Variants in C3orf20 observed in about 807,000 individuals in gnomAD.
C3orf20 encodes the protein uncharacterized protein C3orf20.
C3orf20 carries 76 observed loss-of-function variants against 88.3 expected under a neutral mutation model. That is an observed-to-expected ratio of 0.86 (90% CI 0.72 to 1.04). The LOEUF is 1.04. Ranked by LOEUF, C3orf20 falls within the 50% of genes least tolerant of loss-of-function variation. C3orf20 has a pLI of 0.00. For missense variants in C3orf20, 1,056 were observed against 1,123.3 expected (o/e 0.94, Z 0.86); for synonymous variants, 436 against 437.4 (o/e 1.00, Z 0.04).
At chr3:14,711,291 A>G (rs901642026) in intron 7 of C3orf20, among the ~76,000 whole-genome samples, 5 of 151,978 alleles carry the variant, frequency 3.3e-5, no homozygotes, top group African/African-American at 7.3e-5. Flanking sequence ...TTGTAGAACT[A>G]TTTCTTCCTT....
chr3:14,713,603 T>C (rs932051393), intron 7 of C3orf20, among the ~76,000 whole-genome samples: 2 of 152,216 alleles, frequency 1.3e-5, no homozygotes, highest in African/African-American at 4.8e-5. Context: ...GCCACTTCCT[T>C]GTGATGTGAC....
chr3:14,690,939 C>G (rs2032699329), intron 5 of C3orf20, among the ~76,000 whole-genome samples: 1 of 152,186 alleles, frequency 6.6e-6, no homozygotes, highest in Non-Finnish European at 1.5e-5. Flanking sequence ...TGCCCCAGCC[C>G]CTGGCTGGCT....
intron 10 of C3orf20, among the ~76,000 whole-genome samples, chr3:14,725,300 T>C (rs994115108): frequency 1.3e-5 from 2 of 151,978 alleles, no homozygotes; most frequent in African/African-American, 4.8e-5. Flanking sequence ...ATGTGCCGAG[T>C]GTTGGGGCTC....
At chr3:14,692,161 G>C (rs2032766387) in intron 5 of C3orf20, among the ~76,000 whole-genome samples, 1 of 152,206 alleles carries the variant, frequency 6.6e-6, no homozygotes, top group African/African-American at 2.4e-5. Context: ...TTGACACTTA[G>C]ATTGCTTCCA....
At chr3:14,738,803 G>A (rs1158353525) in intron 12 of C3orf20, among the ~76,000 whole-genome samples, 1 of 142,480 alleles carries the variant, frequency 7.0e-6, no homozygotes, top group African/African-American at 2.7e-5. Context: ...ACCATGCCTG[G>A]CTAATTTTTT....
chr3:14,738,164 CTTTTTTTTTTT>C (rs35948176), intron 12 of C3orf20, among the ~76,000 whole-genome samples: 1 of 107,348 alleles, frequency 9.3e-6, no homozygotes, highest in African/African-American at 3.9e-5. Flanking sequence ...ACAAATATTC[CTTTTTTTTTTT>C]TTTTTTTTTT....
At chr3:14,696,919 T>G (rs1205775019) in intron 5 of C3orf20, among the ~76,000 whole-genome samples, 2 of 152,092 alleles carry the variant, frequency 1.3e-5, no homozygotes, top group Non-Finnish European at 2.9e-5. Context: ...TTTCTTCATG[T>G]TTTAAGGATA....
At chr3:14,759,745 G>A in intron 13 of C3orf20, 146 bp from the exon 14 acceptor site, 1 of 668,628 alleles carries the variant, frequency 1.5e-6, no homozygotes, top group African/African-American at 1.8e-5. Flanking sequence ...GCAGGCCCAA[G>A]GGCCCCTGGA....
intron 12 of C3orf20, among the ~76,000 whole-genome samples, chr3:14,735,127 T>G (rs191791669): frequency 7.9e-5 from 12 of 151,976 alleles, no homozygotes; most frequent in Non-Finnish European, 1.3e-4. Context: ...GTTTTTTAAT[T>G]AAATTCAGTC....
rs759555611 is a variant in C3orf20 at position 14,684,356 on chromosome 3, G to A, written c.599G>A (p.Gly200Asp). 1 of 1,614,124 alleles carries A rather than the reference G, an allele frequency of 6.2e-7. No individual in the cohort carries two copies. Among genetic ancestry groups the A allele is most frequent in the Non-Finnish European group, 8.5e-7 (1 of 1,180,008 alleles). ...NCLISTAGRS[G>D]YSSGQLWKES... ...CTGATCAGCACAGCCGGGAGAAGTG[G>A]CTACAGCAGCGGACAGTTGTGGAAA... Residue 200 changes from glycine (G) to aspartate (D), a missense_variant, in exon 4 of 17, where the codon GGC becomes GAC. Physicochemically the swap from Gly to Asp is moderately conservative, Grantham distance 94. Transcript: ENST00000253697.
At chr3:14,699,465 G>C (rs1182821170) in intron 5 of C3orf20, among the ~76,000 whole-genome samples, 3 of 152,146 alleles carry the variant, frequency 2.0e-5, no homozygotes, top group Non-Finnish European at 4.4e-5. Context: ...TCAGTCAGCG[G>C]GTGATGGGTC....
intron 9 of C3orf20, among the ~76,000 whole-genome samples, chr3:14,717,796 A>G (rs902831569): frequency 6.6e-6 from 1 of 151,776 alleles, no homozygotes; most frequent in Non-Finnish European, 1.5e-5. Flanking sequence ...TTTTTCCATG[A>G]TTAAAAAAAA....
chr3:14,689,261 A>G (rs970154490), intron 4 of C3orf20, among the ~76,000 whole-genome samples: 2 of 152,202 alleles, frequency 1.3e-5, no homozygotes, highest in African/African-American at 4.8e-5. Context: ...GATCACTAGC[A>G]GAGGTGATTA....
At position 14,722,606 on chromosome 3, in the gene C3orf20, G is replaced by A. The variant is rs190312366; in HGVS notation, c.1566+822G>A. ...CTCCCTCTGCTCAGCCCCCCTGGCC[G>A]TGACAACGTCCATTCTAGACTGCTT... is the stretch of plus-strand genomic sequence containing the variant. On this transcript the variant is annotated intron_variant, in intron 10 of 16. Coordinates refer to ENST00000253697, the MANE Select transcript of C3orf20 (RefSeq NM_032137.5). 6.9e-4 allele frequency: 317 copies of A among 456,554 alleles called. 1 individual carries two copies. The East Asian group carries it at 0.016, about 23-fold the overall frequency. The allele number at this position is 456,554 out of a possible 1,614,324, so 28.3% of individuals were successfully genotyped here.
At chr3:14,703,035 T>A in intron 5 of C3orf20, 95 bp from the exon 6 acceptor site, 1 of 1,440,602 alleles carries the variant, frequency 6.9e-7, no homozygotes. Context: ...AATGATCTCC[T>A]TTGACTCCAG....
chr3:14,698,154 T>C (rs2033092968), intron 5 of C3orf20, among the ~76,000 whole-genome samples: 1 of 152,242 alleles, frequency 6.6e-6, no homozygotes, highest in Non-Finnish European at 1.5e-5. Flanking sequence ...ATCTCTTCGT[T>C]AAATGATAGA....
rs1481891975 is a variant in C3orf20, at chr3:14,772,508, C to T, written c.2631-283C>T. ...CTGTCTCCTTGCAAGAAACTTGCTG[C>T]ACCTGTTAAAGGCCACTTACTTGCT... On this transcript the variant is annotated intron_variant, in intron 16 of 16. Transcript: ENST00000253697. The surrounding 1 kb of genome is among the most constrained non-coding windows in gnomAD (Gnocchi z 4.2). 6.6e-6 allele frequency among the ~76,000 whole-genome samples: 1 copy of T among 152,228 alleles called. No individual in the cohort carries two copies. Among genetic ancestry groups the T allele is most frequent in the Non-Finnish European group, 1.5e-5 (1 of 68,040 alleles).
chr3:14,685,493 C>T (rs59366365), intron 4 of C3orf20, among the ~76,000 whole-genome samples: 49,098 of 130,072 alleles, frequency 0.38, 8,506 homozygotes, highest in South Asian at 0.56. Context: ...TGCGTGCGTG[C>T]GTGTGTGTGT....
chr3:14,715,994 CAACT>C (rs10579534), intron 9 of C3orf20, among the ~76,000 whole-genome samples: 63,593 of 151,556 alleles, frequency 0.42, 13,459 homozygotes, highest in Middle Eastern at 0.49. Flanking sequence ...ATTAATAAAG[CAACT>C]AACTGTGCTT....
Sources: allele counts gnomAD v4.1 joint callset (sites outside exome capture counted in the v4.1 genomes callset), GRCh38; gene constraint gnomAD v4.1.1; non-coding constraint Gnocchi (gnomAD v3.1); transcripts MANE v1.5; gene names NCBI Gene and HGNC (gene_info 2026-07-23, HGNC 2026-07-21).